The following COL28A1 variants were observed in gnomAD, a reference collection of about 807,000 sequenced individuals.
The protein encoded by COL28A1 is collagen type XXVIII alpha 1 chain, also known as collagen alpha-1(XXVIII) chain.
A neutral mutation model predicts 150.2 loss-of-function variants in COL28A1; 161 were observed. That is an observed-to-expected ratio of 1.07 (90% CI 0.94 to 1.22). The LOEUF is 1.22. Among genes scored for constraint, COL28A1 ranks in the 50% most tolerant of loss-of-function variants. COL28A1 has a pLI of 0.00. For missense variants in COL28A1, 1,617 were observed against 1,388.3 expected (o/e 1.16, Z -2.62); for synonymous variants, 552 against 469.7 (o/e 1.18, Z -2.26).
chr7:7,507,130 G>T lies in COL28A1; in HGVS notation c.959C>A (p.Pro320His). ...TAACCCCCTTACCTGAATTCCTCTG[G>T]GTCCCTTTGGTCCATATGGCCCTGG... is the stretch of plus-strand genomic sequence containing the variant. The part of the protein sequence containing the change: ...GSPGPYGPKG[P>H]RGIQGITGPP... Residue 320 changes from proline (P) to histidine (H), a missense_variant, in exon 10 of 35, where the codon CCC becomes CAC. Coordinates refer to ENST00000399429, the MANE Select transcript of COL28A1 (RefSeq NM_001037763.3). 7.8e-7 allele frequency: 1 copy of T among 1,282,108 alleles called. No individual in the cohort carries two copies. Among genetic ancestry groups the T allele is most frequent in the African/African-American group, 1.5e-5 (1 of 68,532 alleles). 79.4% of individuals were successfully genotyped at this position (1,282,108 alleles called of 1,614,324 possible).
At chr7:7,462,994 T>A (rs947066457) in intron 15 of COL28A1, among the ~76,000 whole-genome samples, 1 of 151,318 alleles carries the variant, frequency 6.6e-6, no homozygotes, top group East Asian at 1.9e-4. Context: ...CAAAAAAGAA[T>A]AAGAAAATAT....
At position 7,474,935 on chromosome 7, in the gene COL28A1, C is replaced by T. The variant is rs964128640; in HGVS notation, c.1234-266G>A. ...CCTGAAGTTAGAAAAGAGCTCAGTT[C>T]CCAATTTAAACAAAAATATTCTGGA... is the stretch of plus-strand genomic sequence containing the variant. On this transcript the variant is annotated intron_variant, in intron 14 of 34. Coordinates refer to ENST00000399429, the MANE Select transcript of COL28A1 (RefSeq NM_001037763.3). 2.6e-5 allele frequency among the ~76,000 whole-genome samples: 4 copies of T among 152,166 alleles called. No individual in the cohort carries two copies. In the East Asian group the frequency reaches 7.7e-4, roughly 29 times the overall value.
At chr7:7,458,692 C>G (rs1475267799) in intron 15 of COL28A1, among the ~76,000 whole-genome samples, 1 of 152,106 alleles carries the variant, frequency 6.6e-6, no homozygotes, top group Non-Finnish European at 1.5e-5. Context: ...TGCTTTACAT[C>G]CTTTCATTTA....
In COL28A1 at chr7:7,511,084, T is replaced by C. The variant is rs1781109273; in HGVS notation, c.927+7A>G. On this transcript the variant is annotated splice_region_variant and intron_variant, in intron 9 of 34. Transcript: ENST00000399429. The stretch of plus-strand genomic sequence containing the variant: ...AGCTGTAAGCAGTTTAAAAACATGT[T>C]CCTTACCTTGTCACCTTTTATCCCT... 2 of 1,612,392 alleles carry C rather than the reference T, an allele frequency of 1.2e-6. No individual in the cohort carries two copies.
chr7:7,349,982 C>G, the COL28A1 span, among the ~76,000 whole-genome samples: 1 of 152,018 alleles, frequency 6.6e-6, no homozygotes, highest in Non-Finnish European at 1.5e-5. Context: ...GAGAGATAAC[C>G]TGGAAATATA....
intron 30 of COL28A1, among the ~76,000 whole-genome samples, chr7:7,376,229 A>G (rs1289965948): frequency 1.3e-5 from 2 of 152,066 alleles, no homozygotes. Context: ...CAAACACTTA[A>G]AGCTAAAAGA....
intron 15 of COL28A1, among the ~76,000 whole-genome samples, chr7:7,462,733 C>G (rs1269284237): frequency 6.6e-6 from 1 of 152,054 alleles, no homozygotes; most frequent in East Asian, 1.9e-4. Flanking sequence ...GTGGCACATG[C>G]CTGTAATCCC....
chr7:7,467,904 AC>A (rs1306847432), intron 15 of COL28A1, among the ~76,000 whole-genome samples: 5 of 145,218 alleles, frequency 3.4e-5, no homozygotes, highest in Admixed American at 3.4e-4. Flanking sequence ...GTTCTTTGAA[AC>A]CAACGAGAAC....
intron 14 of COL28A1, among the ~76,000 whole-genome samples, chr7:7,476,789 T>C (rs932478966): frequency 2.6e-5 from 4 of 152,254 alleles, no homozygotes; most frequent in Admixed American, 6.5e-5. Flanking sequence ...TTGCCATAGC[T>C]ACACTCGATG....
At chr7:7,403,984 T>G (rs1783360359) in intron 27 of COL28A1, among the ~76,000 whole-genome samples, 1 of 152,216 alleles carries the variant, frequency 6.6e-6, no homozygotes, top group South Asian at 2.1e-4. Context: ...ATTGCCTGGT[T>G]GCCTGCAATA....
chr7:7,429,229 G>A (rs529156506), intron 25 of COL28A1, among the ~76,000 whole-genome samples: 69 of 151,060 alleles, frequency 4.6e-4, no homozygotes, highest in Admixed American at 1.5e-3. Context: ...CATATATACA[G>A]TTTCACTGTC....
intron 3 of COL28A1, among the ~76,000 whole-genome samples, chr7:7,529,455 C>T (rs1229475195): frequency 1.3e-5 from 2 of 152,064 alleles, no homozygotes; most frequent in African/African-American, 2.4e-5. Context: ...ATGGAGCTTC[C>T]ATCTGAACAA....
intron 18 of COL28A1, among the ~76,000 whole-genome samples, chr7:7,445,603 G>A (rs1376298970): frequency 4.6e-5 from 7 of 152,056 alleles, no homozygotes; most frequent in African/African-American, 9.7e-5. Flanking sequence ...ACTTGCTTTC[G>A]AGTTAATTTA....
intron 3 of COL28A1, among the ~76,000 whole-genome samples, chr7:7,530,530 G>A (rs892388593): frequency 2.0e-5 from 3 of 152,144 alleles, no homozygotes; most frequent in Non-Finnish European, 4.4e-5. Flanking sequence ...AGAAATCCAA[G>A]TTTTTAAGAA....
chr7:7,543,298 T>C, the COL28A1 span, among the ~76,000 whole-genome samples: 2,208 of 152,326 alleles, frequency 0.014, 51 homozygotes, highest in African/African-American at 0.05. Flanking sequence ...AAAAGGTGCA[T>C]GTGCATTGAA....
At chr7:7,429,572 G>C (rs1784837377) in intron 25 of COL28A1, among the ~76,000 whole-genome samples, 1 of 152,058 alleles carries the variant, frequency 6.6e-6, no homozygotes, top group Admixed American at 6.6e-5. Flanking sequence ...TAAAAAAGGA[G>C]AGATGATTTT....
intron 27 of COL28A1, among the ~76,000 whole-genome samples, chr7:7,415,416 A>G (rs78457193): frequency 0.013 from 1,995 of 152,322 alleles, 37 homozygotes; most frequent in African/African-American, 0.045. Context: ...TCGGTGCAAA[A>G]GTAATTGCGG....
chr7:7,539,699 C>T (rs969097925), upstream of COL28A1, among the ~76,000 whole-genome samples: 27 of 152,164 alleles, frequency 1.8e-4, no homozygotes, highest in African/African-American at 4.8e-4. Flanking sequence ...ACTTCAGTTC[C>T]TATGCCCTCA....
At chr7:7,389,100 G>A (rs934535942) in intron 27 of COL28A1, among the ~76,000 whole-genome samples, 1 of 151,898 alleles carries the variant, frequency 6.6e-6, no homozygotes, top group Non-Finnish European at 1.5e-5. Context: ...TATTGCCTAG[G>A]TTTTCTTCTA....
Sources: gnomAD v4.1 joint callset for allele counts (sites outside exome capture counted in the v4.1 genomes callset) on GRCh38, gnomAD v4.1.1 for gene constraint, MANE v1.5 for transcripts, NCBI Gene and HGNC (gene_info 2026-07-23, HGNC 2026-07-21) for gene names.